Variants in DDB2 observed in about 807,000 individuals in gnomAD.
DDB2 encodes damage specific DNA binding protein 2.
In DDB2, 27 loss-of-function variants were observed where a neutral mutation model predicts 50.5. That is an observed-to-expected ratio of 0.53 (90% confidence interval 0.39 to 0.74). DDB2 has a LOEUF of 0.74. Among genes scored for constraint, DDB2 ranks in the 30% least tolerant of loss-of-function variants. The pLI, the probability that DDB2 is intolerant of heterozygous loss-of-function variation, is 0.00. For synonymous variants in DDB2, 176 were observed against 205.5 expected (o/e 0.86, Z 1.23); for missense variants, 424 against 545.6 (o/e 0.78, Z 2.22).
intron 9 of DDB2, 83 bp downstream of exon 9, chr11:47,238,266 C>A: frequency 7.9e-7 from 1 of 1,271,794 alleles, no homozygotes; most frequent in Non-Finnish European, 1.1e-6. Flanking sequence ...CAGCCCCGCC[C>A]TGCCACATTC....
intron 3 of DDB2, among the ~76,000 whole-genome samples, chr11:47,222,569 C>T (rs1032306115): frequency 1.1e-4 from 16 of 152,222 alleles, no homozygotes; most frequent in African/African-American, 3.1e-4. Context: ...TGGTTTCAAA[C>T]TCCTGGCCTC....
intron 7 of DDB2, chr11:47,235,629 A>G: frequency 1.7e-6 from 1 of 601,030 alleles, no homozygotes; most frequent in Non-Finnish European, 3.0e-6. Flanking sequence ...CTGATAAGAT[A>G]TTTTTCTGAG....
chr11:47,229,399 T>C (rs1449068857), intron 3 of DDB2, among the ~76,000 whole-genome samples: 1 of 151,946 alleles, frequency 6.6e-6, no homozygotes, highest in African/African-American at 2.4e-5. Flanking sequence ...GCGCCTGATG[T>C]GGGCAAGGAA....
rs995810831 is a variant in DDB2 at position 47,238,715 on chromosome 11, C to T, written c.1235-85C>T. On this transcript the variant is annotated intron_variant, in intron 9 of 9. Coordinates refer to ENST00000256996, the MANE Select transcript of DDB2 (RefSeq NM_000107.3). The stretch of plus-strand genomic sequence containing the variant: ...GCCCGGCCTTCCTAGTATTTCTTTA[C>T]CAAATTGTAGGTTTGCGGGCCAGCC... 80 of 1,498,184 alleles carry T rather than the reference C, an allele frequency of 5.3e-5. No individual in the cohort carries two copies. The Middle Eastern group carries it at 8.9e-4, about 17-fold the overall frequency. The allele number at this position is 1,498,184 out of a possible 1,614,324, so 92.8% of individuals were successfully genotyped here.
intron 3 of DDB2, among the ~76,000 whole-genome samples, chr11:47,225,689 A>G (rs1953548779): frequency 6.6e-6 from 1 of 152,134 alleles, no homozygotes; most frequent in Non-Finnish European, 1.5e-5. Context: ...TGTTAACTAT[A>G]TTCACATTGT....
At position 47,232,890 on chromosome 11, in the gene DDB2, A is replaced by C. The variant is rs760322280; in HGVS notation, c.533A>C (p.Glu178Ala). 17 of 1,614,010 alleles carry C rather than the reference A, an allele frequency of 1.1e-5. No individual in the cohort carries two copies. The highest frequency in any genetic ancestry group is 1.6e-4 in the Middle Eastern group (1 of 6,082). The change falls in exon 4 of 10, where the codon GAG (glutamate) becomes GCG (alanine). Residue 178 changes from glutamate to alanine, a missense_variant. Physicochemically the swap from Glu to Ala is moderately radical, Grantham distance 107 (BLOSUM62 -1). Coordinates refer to ENST00000256996, the MANE Select transcript of DDB2 (RefSeq NM_000107.3). ...NTNQFYASSM[E>A]GTTRLQDFKG... ...AACCAGTTTTACGCCTCCTCAATGG[A>C]GGGAACAACTAGGCTGCAAGACTTT...
intron 3 of DDB2, among the ~76,000 whole-genome samples, chr11:47,232,353 A>T (rs1236549565): frequency 4.0e-5 from 6 of 151,866 alleles, no homozygotes; most frequent in Admixed American, 2.0e-4. Context: ...AAAATAAAAA[A>T]AAGAAAGAAA....
At chr11:47,214,950 C>T, upstream of DDB2, 1 of 779,110 alleles carries the variant, frequency 1.3e-6, no homozygotes, top group Non-Finnish European at 2.0e-6. Context: ...GTCTCCGAGA[C>T]GGGTGGGGCC....
rs1384443877 is a variant in DDB2 at position 47,216,953 on chromosome 11, C to T, written c.360C>T (p.His120=). 1 of 1,613,890 alleles carries T rather than the reference C, an allele frequency of 6.2e-7. No homozygotes were observed. The highest frequency in any genetic ancestry group is 8.5e-7 in the Non-Finnish European group (1 of 1,179,936). ...GGAGGGCTACATCCTTGGCGTGGCA[C>T]CCAACTCACCCCAGCACCGTGGCTG... The part of the protein sequence containing the change: ...FDRRATSLAW[H]PTHPSTVAVG... The change falls in exon 3 of 10, where the codon CAC becomes CAT. Residue 120 remains histidine, a synonymous_variant. Transcript: ENST00000256996.
At position 47,238,019 on chromosome 11, in the gene DDB2, AAAT is replaced by A. The variant is rs1345294054; in HGVS notation, c.1188+22_1188+24del. 1.9e-6 allele frequency: 3 copies of A among 1,614,092 alleles called. No individual in the cohort carries two copies. Among genetic ancestry groups the A allele is most frequent in the Non-Finnish European group, 2.5e-6 (3 of 1,179,948 alleles). On this transcript the variant is annotated intron_variant, in intron 8 of 9. Coordinates refer to ENST00000256996, the MANE Select transcript of DDB2 (RefSeq NM_000107.3). ...TCAGTTCGGTGAGGCTTGGGTCCTC[AAAT>A]AATGATGGGAGGAAGCAGGGATTCA...
intron 6 of DDB2, 114 bp downstream of exon 6, chr11:47,235,048 C>T (rs1953705016): frequency 7.4e-7 from 1 of 1,351,984 alleles, no homozygotes; most frequent in Admixed American, 1.9e-5. Flanking sequence ...ATAGCGTCTG[C>T]CAAGCTGATG....
chr11:47,216,359 G>T lies in DDB2; in HGVS notation c.151G>T (p.Asp51Tyr). 1 of 1,614,174 alleles carries T rather than the reference G, an allele frequency of 6.2e-7. No individual in the cohort carries two copies. The highest frequency in any genetic ancestry group is 1.1e-5 in the South Asian group (1 of 91,082). The change falls in exon 2 of 10, where the codon GAC becomes TAC. Residue 51 changes from aspartate to tyrosine, a missense_variant. Transcript: ENST00000256996. ...AGGTCCTAGCAGAAGATGTGACTCA[G>T]ACTGCCTCTGGGTGGGGCTGGCTGG... ...GSGPSRRCDS[D>Y]CLWVGLAGPQ... is the part of the protein sequence containing the mutation.
At position 47,216,891 on chromosome 11, in the gene DDB2, T is replaced by C. The variant is rs751422435; in HGVS notation, c.298T>C (p.Ser100Pro). 1.2e-6 allele frequency: 2 copies of C among 1,614,132 alleles called. No homozygotes were observed. Among genetic ancestry groups the C allele is most frequent in the Non-Finnish European group, 1.7e-6 (2 of 1,180,022 alleles). Reference protein sequence around the residue: ...LQQSFLHTLDSYRILQKAAPF... With the variant: ...LQQSFLHTLDPYRILQKAAPF... Reference sequence around the variant, plus strand: ...GCAGTCCTTTTTGCACACTCTGGATTCTTACCGGATATTACAAAAGGCTGC... The same window carrying C: ...GCAGTCCTTTTTGCACACTCTGGATCCTTACCGGATATTACAAAAGGCTGC... The change falls in exon 3 of 10, where the codon TCT becomes CCT. Residue 100 changes from serine (S) to proline (P), a missense_variant. Physicochemically the swap from Ser to Pro is moderately conservative, Grantham distance 74. Transcript: ENST00000256996.
Position 47,216,416 on chromosome 11 carries a change from G to GT in DDB2, c.209dup (p.Arg71GlnfsTer7), listed in dbSNP as rs1953401764. The GT allele has an allele frequency of 6.2e-7, 1 of 1,614,076 alleles. No homozygotes were observed. Among genetic ancestry groups the GT allele is most frequent in the East Asian group, 2.2e-5 (1 of 44,892 alleles). ...GATCCTGCCACCATGCCGCAGCATC[G>GT]TCAGGACCCTCCACCAGCATAAGCT... On this transcript the variant is annotated frameshift_variant, in exon 2 of 10. Transcript: ENST00000256996. LOFTEE classifies it high-confidence loss of function.
In DDB2 at chr11:47,217,001, C is replaced by A. The variant is rs757461854; in HGVS notation, c.408C>A (p.Ile136=). 1.9e-6 allele frequency: 3 copies of A among 1,614,118 alleles called. No individual in the cohort carries two copies. The Admixed American group carries it at 5.0e-5, about 27-fold the overall frequency. ...CTGTGGGTTCCAAAGGGGGAGATAT[C>A]ATGCTCTGGAATTTTGGCATCAAGG... ...TVAVGSKGGD[I]MLWNFGIKDK... is the part of the protein sequence containing the mutation. The change falls in exon 3 of 10, where the codon ATC becomes ATA. Residue 136 remains isoleucine, a synonymous_variant. Transcript: ENST00000256996.
chr11:47,219,797 T>A (rs1233008995), intron 3 of DDB2, among the ~76,000 whole-genome samples: 2 of 151,926 alleles, frequency 1.3e-5, no homozygotes, highest in Non-Finnish European at 1.5e-5. Context: ...TTTATTTGTT[T>A]ATTTTTTTGA....
intron 4 of DDB2, chr11:47,233,424 G>A (rs565567119): frequency 1.3e-5 from 3 of 233,136 alleles, no homozygotes; most frequent in South Asian, 6.2e-5. Context: ...TACAGAATGC[G>A]GCCGGGTGCA....
chr11:47,235,195 CAGG>C, intron 6 of DDB2, 72 bp from the exon 7 acceptor site: 2 of 1,593,216 alleles, frequency 1.3e-6, no homozygotes, highest in Admixed American at 1.7e-5. Context: ...AGTACCCCTG[CAGG>C]AGAAGGCCTG....
At chr11:47,229,635 A>C (rs1953614034) in intron 3 of DDB2, among the ~76,000 whole-genome samples, 1 of 152,150 alleles carries the variant, frequency 6.6e-6, no homozygotes, top group Non-Finnish European at 1.5e-5. Context: ...TAAACATGGA[A>C]AGAGAGAAAC....
Sources: allele counts gnomAD v4.1 joint callset (sites outside exome capture counted in the v4.1 genomes callset), GRCh38; gene constraint gnomAD v4.1.1; transcripts MANE v1.5; gene names NCBI Gene and HGNC (gene_info 2026-07-23, HGNC 2026-07-21).